ZNF385B: variants seen among roughly 807,000 people sequenced by gnomAD.
ZNF385B encodes zinc finger protein 533.
Under a neutral mutation model 39.2 loss-of-function variants are expected in ZNF385B, and 23 were observed. The ratio of observed to expected loss-of-function variants is 0.59; its 90% CI spans 0.42 to 0.83. ZNF385B has a LOEUF of 0.83. ZNF385B is among the 40% of genes least tolerant of loss of function. The pLI is 0.00. For missense variants in ZNF385B, 552 were observed against 598.9 expected (o/e 0.92, Z 0.82); for synonymous variants, 205 against 222.6 (o/e 0.92, Z 0.70).
chr2:179,783,293 A>G (rs1182713183), intron 1 of ZNF385B, among the ~76,000 whole-genome samples: 1 of 152,224 alleles, frequency 6.6e-6, no homozygotes, highest in Non-Finnish European at 1.5e-5. Flanking sequence ...AGAAGATTGA[A>G]GCTGGATCCC....
chr2:179,860,366 C>T (rs1684944029), intron 1 of ZNF385B, among the ~76,000 whole-genome samples: 1 of 152,160 alleles, frequency 6.6e-6, no homozygotes. Flanking sequence ...CCTCCAGAGT[C>T]TAGGGAAGCA....
chr2:179,600,542 T>C (rs1688333398), intron 3 of ZNF385B, among the ~76,000 whole-genome samples: 1 of 152,176 alleles, frequency 6.6e-6, no homozygotes, highest in African/African-American at 2.4e-5. Context: ...TCTCTGAATA[T>C]GTAAGCCAAG....
intron 5 of ZNF385B, among the ~76,000 whole-genome samples, chr2:179,485,385 TTG>T (rs1279449471): frequency 7.2e-5 from 11 of 152,164 alleles, no homozygotes; most frequent in Admixed American, 1.3e-4. Flanking sequence ...AGGTTGATTA[TTG>T]TGTGTTGTTG....
chr2:179,740,324 G>A (rs949746426), intron 3 of ZNF385B, among the ~76,000 whole-genome samples: 1 of 152,100 alleles, frequency 6.6e-6, no homozygotes, highest in Non-Finnish European at 1.5e-5. Flanking sequence ...AAGATGATTT[G>A]CTAAATGTCC....
chr2:179,635,173 A>G (rs1035424757), intron 3 of ZNF385B, among the ~76,000 whole-genome samples: 10 of 151,514 alleles, frequency 6.6e-5, no homozygotes, highest in Admixed American at 1.3e-4. Flanking sequence ...AGAAAATGTG[A>G]CACATATACA....
intron 3 of ZNF385B, among the ~76,000 whole-genome samples, chr2:179,577,558 T>C (rs998909982): frequency 6.6e-6 from 1 of 152,074 alleles, no homozygotes; most frequent in African/African-American, 2.4e-5. Flanking sequence ...GAAAATGTGA[T>C]AAGTGGACCT....
intron 3 of ZNF385B, among the ~76,000 whole-genome samples, chr2:179,582,906 G>A (rs1849893): frequency 1 from 151,991 of 152,292 alleles, 75,846 homozygotes; most frequent in Non-Finnish European, 1. Context: ...CTGGAGTGCA[G>A]TCATGCAGTC....
intron 6 of ZNF385B, among the ~76,000 whole-genome samples, chr2:179,479,706 G>C (rs2053793908): frequency 6.6e-6 from 1 of 152,066 alleles, no homozygotes. Flanking sequence ...CTGGCTTAGT[G>C]GTGGGCACCT....
At chr2:179,537,393 T>TG (rs2059644656) in intron 4 of ZNF385B, among the ~76,000 whole-genome samples, 1 of 151,748 alleles carries the variant, frequency 6.6e-6, no homozygotes, top group Non-Finnish European at 1.5e-5. Context: ...ATGGTCACTA[T>TG]GTGTTTTTTC....
Position 179,672,299 on chromosome 2 carries a change from T to C in ZNF385B, c.298+97204A>G, listed in dbSNP as rs150001745. Among the ~76,000 whole-genome samples the C allele has an allele frequency of 9.6e-4, 146 of 152,366 alleles. 2 individuals are homozygous for C. The East Asian group carries it at 0.026, about 28-fold the overall frequency. On this transcript the variant is annotated intron_variant, in intron 3 of 9. Coordinates refer to ENST00000410066, the MANE Select transcript of ZNF385B (RefSeq NM_152520.6). ...CTACAGTTTAGAAGCACAAAACCTG[T>C]TTGATTTCAGAGGCTCACAGCTGAA... is the stretch of plus-strand genomic sequence containing the variant.
chr2:179,783,256 T>C (rs1298078678), intron 1 of ZNF385B, among the ~76,000 whole-genome samples: 1 of 152,162 alleles, frequency 6.6e-6, no homozygotes, highest in Non-Finnish European at 1.5e-5. Flanking sequence ...CGATAAATTG[T>C]GCTGCGATAA....
chr2:179,794,793 G>A lies in ZNF385B; in HGVS notation c.-154-24121C>T, dbSNP rs969527480. ...TCAATGTGACTTCAGGAGTCATCTT[G>A]GATGAGATGGGGACACCGCTGAGCA... On this transcript the variant is annotated intron_variant, in intron 1 of 9. Transcript: ENST00000410066. 1.2e-4 allele frequency among the ~76,000 whole-genome samples: 18 copies of A among 152,162 alleles called. No individual in the cohort carries two copies. In the East Asian group the frequency reaches 1.4e-3, roughly 11 times the overall value.
chr2:179,512,960 G>C (rs766153345), intron 5 of ZNF385B, among the ~76,000 whole-genome samples: 4 of 152,148 alleles, frequency 2.6e-5, no homozygotes, highest in Admixed American at 6.6e-5. Context: ...CTAGACAAAG[G>C]GGGGTACAGG....
chr2:179,839,280 C>T (rs370597495), intron 1 of ZNF385B, among the ~76,000 whole-genome samples: 2 of 152,166 alleles, frequency 1.3e-5, no homozygotes, highest in South Asian at 2.1e-4. Context: ...TACCTAATCT[C>T]GAGGACCTTA....
intron 1 of ZNF385B, among the ~76,000 whole-genome samples, chr2:179,822,100 T>C (rs1043892239): frequency 1.3e-5 from 2 of 152,180 alleles, no homozygotes; most frequent in African/African-American, 4.8e-5. Context: ...TGTTTCTCCA[T>C]GAAAAAAATT....
At position 179,692,673 on chromosome 2, in the gene ZNF385B, C is replaced by T. The variant is rs757923528; in HGVS notation, c.298+76830G>A. 1.4e-4 allele frequency among the ~76,000 whole-genome samples: 22 copies of T among 152,334 alleles called. 1 individual carries two copies. Among genetic ancestry groups the T allele is most frequent in the Admixed American group, 5.2e-4 (8 of 15,298 alleles). On this transcript the variant is annotated intron_variant, in intron 3 of 9. Transcript: ENST00000410066. ...GTTGCTAAAGTTGTCTTTCATGCCA[C>T]TGTGTAAATAATGTTTCTCATTTAC...
intron 1 of ZNF385B, among the ~76,000 whole-genome samples, chr2:179,782,766 C>A (rs1473550753): frequency 6.6e-6 from 1 of 151,954 alleles, no homozygotes; most frequent in Non-Finnish European, 1.5e-5. Context: ...CTAGGAATAC[C>A]TTTAACCAGG....
In ZNF385B at chr2:179,504,048, C is replaced by T. The variant is rs1435762660; in HGVS notation, c.552+14480G>A. ...CCCCTCTCCCCACCCCACCACAGTCCCCAGAGTGTGATAGTCCCCTTCCTG... is the reference window on the plus strand; with the variant it reads ...CCCCTCTCCCCACCCCACCACAGTCTCCAGAGTGTGATAGTCCCCTTCCTG... On this transcript the variant is annotated intron_variant, in intron 5 of 9. Coordinates refer to ENST00000410066, the MANE Select transcript of ZNF385B (RefSeq NM_152520.6). Among the ~76,000 whole-genome samples, 3 of 146,200 alleles carry T rather than the reference C, an allele frequency of 2.1e-5. No homozygotes were observed. In the East Asian group the frequency reaches 6.8e-4, roughly 33 times the overall value.
At chr2:179,857,652 A>G (rs1684709694) in intron 1 of ZNF385B, among the ~76,000 whole-genome samples, 1 of 152,188 alleles carries the variant, frequency 6.6e-6, no homozygotes, top group Non-Finnish European at 1.5e-5. Context: ...ATGCCTCAGG[A>G]CTACTAAGGG....
Sources: allele counts gnomAD v4.1 joint callset (sites outside exome capture counted in the v4.1 genomes callset), GRCh38; gene constraint gnomAD v4.1.1; transcripts MANE v1.5; gene names NCBI Gene and HGNC (gene_info 2026-07-23, HGNC 2026-07-21).